The following SLC28A3 variants were observed in gnomAD, a reference collection of about 807,000 sequenced individuals.
SLC28A3 encodes solute carrier family 28 member 3, also known as concentrative Na(+)-nucleoside cotransporter 3.
In SLC28A3, 68 loss-of-function variants were observed where a neutral mutation model predicts 84.2. That is an observed-to-expected ratio of 0.81 (90% confidence interval 0.66 to 0.99). The LOEUF (loss-of-function observed/expected upper bound fraction) is 0.99. Ranked by LOEUF, SLC28A3 falls within the 50% of genes least tolerant of loss-of-function variation. The probability of loss-of-function intolerance (pLI) is 0.00; values close to 1 mark genes in which losing one functional copy is unlikely to be tolerated. For synonymous variants in SLC28A3, 267 were observed against 303.6 expected, an observed-to-expected ratio of 0.88 and a Z score of 1.25; for missense variants, 712 against 841.5, an observed-to-expected ratio of 0.85 and a Z score of 1.90.
intron 4 of SLC28A3, among the ~76,000 whole-genome samples, chr9:84,303,312 T>A (rs1369839860): frequency 1.3e-5 from 2 of 152,120 alleles, no homozygotes; most frequent in African/African-American, 4.8e-5. Context: ...AGACTCCCTC[T>A]CCCTCTTTAG....
intron 3 of SLC28A3, among the ~76,000 whole-genome samples, chr9:84,307,233 C>T (rs1379782340): frequency 6.6e-6 from 1 of 150,956 alleles, no homozygotes; most frequent in African/African-American, 2.4e-5. Context: ...GAATTTGAGG[C>T]CAGCCTGGCC....
the SLC28A3 span, among the ~76,000 whole-genome samples, chr9:84,356,381 A>T: frequency 6.6e-6 from 1 of 152,098 alleles, no homozygotes; most frequent in Non-Finnish European, 1.5e-5. Flanking sequence ...AGGGCCTCAA[A>T]TCTGTGGCCT....
chr9:84,310,346 G>A lies in SLC28A3; in HGVS notation c.157-632C>T, dbSNP rs923251625. The stretch of plus-strand genomic sequence containing the variant: ...CATTTTTTCATGGACAATCTTTCTA[G>A]GTACAGTTTGAGCTCTCAAATATCC... On this transcript the variant is annotated intron_variant, in intron 2 of 17. Coordinates refer to ENST00000376238, the MANE Select transcript of SLC28A3 (RefSeq NM_001199633.2). 1.6e-5 allele frequency: 15 copies of A among 939,530 alleles called. No individual in the cohort carries two copies. The African/African-American group carries it at 2.3e-4, about 14-fold the overall frequency. The allele number at this position is 939,530 out of a possible 1,614,324, so 58.2% of individuals were successfully genotyped here.
At chr9:84,300,097 G>T (rs1320569749) in intron 5 of SLC28A3, among the ~76,000 whole-genome samples, 1 of 152,082 alleles carries the variant, frequency 6.6e-6, no homozygotes, top group African/African-American at 2.4e-5. Flanking sequence ...CAGCCATCAG[G>T]CTTAAATTAA....
At chr9:84,317,529 C>T (rs60578244) in intron 1 of SLC28A3, among the ~76,000 whole-genome samples, 22,236 of 152,136 alleles carry the variant, frequency 0.15, 2,030 homozygotes, top group African/African-American at 0.24. Context: ...TCTTCAGCCT[C>T]TCCCTGGCAC....
At chr9:84,279,172 CAAAAAA>C (rs11309306) in intron 17 of SLC28A3, 87 bp downstream of exon 17, 31 of 949,622 alleles carry the variant, frequency 3.3e-5, no homozygotes, top group East Asian at 1.2e-4. Context: ...GACTCCGTCT[CAAAAAA>C]AAAAAAAAAA....
chr9:84,349,528 C>T, the SLC28A3 span, among the ~76,000 whole-genome samples: 76 of 152,296 alleles, frequency 5.0e-4, 2 homozygotes, highest in Admixed American at 2.2e-3. Flanking sequence ...TCAGCCACCA[C>T]GTCCGGCTTA....
At chr9:84,280,697 T>G (rs1254300026) in intron 15 of SLC28A3, 104 bp downstream of exon 15, 22 of 1,094,674 alleles carry the variant, frequency 2.0e-5, no homozygotes, top group Non-Finnish European at 2.7e-5. Flanking sequence ...TCATGACTGT[T>G]GCAAAGGCCT....
At chr9:84,361,073 C>T in the SLC28A3 span, among the ~76,000 whole-genome samples, 4 of 151,990 alleles carry the variant, frequency 2.6e-5, no homozygotes, top group Non-Finnish European at 5.9e-5. Context: ...AGGCCGGGTG[C>T]GGTGGCTCAG....
intron 1 of SLC28A3, among the ~76,000 whole-genome samples, chr9:84,321,733 C>CAAAAAA (rs10707383): frequency 4.6e-5 from 3 of 65,098 alleles, no homozygotes; most frequent in Admixed American, 1.8e-4. Context: ...GACTCCGTCT[C>CAAAAAA]AAAAAAAAAA....
chr9:84,314,078 T>C (rs1210023164), intron 1 of SLC28A3, among the ~76,000 whole-genome samples: 2 of 152,128 alleles, frequency 1.3e-5, no homozygotes, highest in African/African-American at 4.8e-5. Flanking sequence ...TTTCAACTTA[T>C]AAAATGAACT....
In SLC28A3 at chr9:84,275,505, T is replaced by TCAAA. The variant is rs1338329530; in HGVS notation, c.*2709_*2712dup. 1.3e-5 allele frequency: 2 copies of TCAAA among 152,184 alleles called. No homozygotes were observed. Among genetic ancestry groups the TCAAA allele is most frequent in the African/African-American group, 2.4e-5 (1 of 41,420 alleles). 9.4% of individuals were successfully genotyped at this position (152,184 alleles called of 1,614,324 possible). On this transcript the variant is annotated 3_prime_UTR_variant, in exon 18 of 18. Transcript: ENST00000376238. ...AACAATCTGTCAACAGTGAGCGGGC[T>TCAAA]CAAACAGCTGAAAAACATAGGCATG...
chr9:84,287,295 G>A (rs566921742), intron 12 of SLC28A3, among the ~76,000 whole-genome samples: 1 of 152,286 alleles, frequency 6.6e-6, no homozygotes, highest in South Asian at 2.1e-4. Context: ...ACAAGTATGG[G>A]TGAATTTCAG....
intron 1 of SLC28A3, among the ~76,000 whole-genome samples, chr9:84,334,784 C>T (rs1385120420): frequency 6.6e-6 from 1 of 151,814 alleles, no homozygotes; most frequent in Non-Finnish European, 1.5e-5. Flanking sequence ...ATAACACAAA[C>T]TTCTCCTCCT....
chr9:84,278,155 T>C lies in SLC28A3; in HGVS notation c.*63A>G. ...CTGTGGACAATAGCTTCTTTTTTTTTTCTTTCCAAAGCAGAAAATTCAGCA... is the reference window on the plus strand; with the variant it reads ...CTGTGGACAATAGCTTCTTTTTTTTCTCTTTCCAAAGCAGAAAATTCAGCA... On this transcript the variant is annotated 3_prime_UTR_variant, in exon 18 of 18. Transcript: ENST00000376238. 6.5e-7 allele frequency: 1 copy of C among 1,547,340 alleles called. No homozygotes were observed. Among genetic ancestry groups the C allele is most frequent in the Non-Finnish European group, 8.7e-7 (1 of 1,147,464 alleles).
At position 84,285,985 on chromosome 9, in the gene SLC28A3, G is replaced by C. The variant is rs2118099607; in HGVS notation, c.1407C>G (p.Ser469=). The C allele has an allele frequency of 6.2e-7, 1 of 1,614,046 alleles. No homozygotes were observed. Among genetic ancestry groups the C allele is most frequent in the South Asian group, 1.1e-5 (1 of 91,032 alleles). The change falls in exon 13 of 18, where the codon TCC becomes TCG. Residue 469 remains serine (S), a synonymous_variant. Transcript: ENST00000376238. ...ALLSFMNSAL[S]WFGNMFDYPQ... ...GGTAGTCAAACATGTTTCCAAACCA[G>C]GACAGGGCTGAATTCATAAAAGACA...
At chr9:84,301,255 C>T (rs555930363) in intron 5 of SLC28A3, among the ~76,000 whole-genome samples, 2 of 144,982 alleles carry the variant, frequency 1.4e-5, no homozygotes, top group East Asian at 4.3e-4. Context: ...GAGGCTGAGG[C>T]ACGAGAATCA....
chr9:84,278,713 G>C (rs751287643), intron 17 of SLC28A3, among the ~76,000 whole-genome samples: 1 of 152,122 alleles, frequency 6.6e-6, no homozygotes, highest in Non-Finnish European at 1.5e-5. Flanking sequence ...GACGATCATC[G>C]TGTTGTCTGG....
At position 84,297,229 on chromosome 9, in the gene SLC28A3, C is replaced by T; in HGVS notation, c.853G>A (p.Ala285Thr). ...AAAAGGTTTGACTTTACCTTAAATG[C>T]AAAGAAGTGGTCTTTGTATTTCTCA... ...FGEKYKDHFF[A>T]FKVLPIVVFF... Residue 285 changes from alanine to threonine, a missense_variant, in exon 8 of 18, where the codon GCA becomes ACA. Coordinates refer to ENST00000376238, the MANE Select transcript of SLC28A3 (RefSeq NM_001199633.2). 2 of 1,612,624 alleles carry T rather than the reference C, an allele frequency of 1.2e-6. No individual in the cohort carries two copies. The highest frequency in any genetic ancestry group is 2.2e-5 in the South Asian group (2 of 90,718).
Sources: allele counts gnomAD v4.1 joint callset (sites outside exome capture counted in the v4.1 genomes callset), GRCh38; gene constraint gnomAD v4.1.1; transcripts MANE v1.5; gene names NCBI Gene and HGNC (gene_info 2026-07-23, HGNC 2026-07-21).